The following TMTC1 variants were observed in gnomAD, a reference collection of about 807,000 sequenced individuals.
TMTC1 encodes transmembrane O-mannosyltransferase targeting cadherins 1.
Under a neutral mutation model 104.8 loss-of-function variants are expected in TMTC1, and 73 were observed. The ratio of observed to expected loss-of-function variants is 0.70; its 90% confidence interval spans 0.58 to 0.85. The LOEUF (loss-of-function observed/expected upper bound fraction) is 0.85, where lower values mean the gene tolerates loss of function less well. Ranked by LOEUF, TMTC1 falls within the 40% of genes least tolerant of loss-of-function variation. TMTC1 has a pLI of 0.00. For synonymous variants in TMTC1, 434 were observed against 428.7 expected, an observed-to-expected ratio of 1.01 and a Z score of -0.15; for missense variants, 1,035 against 1,096.1, an observed-to-expected ratio of 0.94 and a Z score of 0.79.
intron 9 of TMTC1, among the ~76,000 whole-genome samples, chr12:29,563,720 G>C (rs569611480): frequency 6.6e-6 from 1 of 152,148 alleles, no homozygotes; most frequent in African/African-American, 2.4e-5. Context: ...CATTATGTTC[G>C]TCCAGACTTT....
chr12:29,671,014 C>T (rs1014890314), intron 5 of TMTC1, among the ~76,000 whole-genome samples: 4 of 93,716 alleles, frequency 4.3e-5, no homozygotes, highest in Non-Finnish European at 6.7e-5. Flanking sequence ...AAAAAGTCAG[C>T]CAGGCGCAGT....
chr12:29,551,458 T>C (rs147522489), intron 10 of TMTC1, among the ~76,000 whole-genome samples: 32 of 152,342 alleles, frequency 2.1e-4, no homozygotes, highest in African/African-American at 7.5e-4. Context: ...ATTCATCTGC[T>C]ATATAGTTCA....
At chr12:29,511,025 A>G (rs1029488267) in intron 17 of TMTC1, among the ~76,000 whole-genome samples, 2 of 151,982 alleles carry the variant, frequency 1.3e-5, no homozygotes, top group African/African-American at 4.8e-5. Flanking sequence ...CTCTTTCCCT[A>G]TTTCGCCACA....
At chr12:29,704,066 T>C (rs1299796296) in intron 5 of TMTC1, among the ~76,000 whole-genome samples, 1 of 152,220 alleles carries the variant, frequency 6.6e-6, no homozygotes, top group Non-Finnish European at 1.5e-5. Context: ...GTCCCGGGTA[T>C]TTCTTCATAG....
chr12:29,682,974 G>A (rs1365499930), intron 5 of TMTC1, among the ~76,000 whole-genome samples: 1 of 152,008 alleles, frequency 6.6e-6, no homozygotes, highest in Admixed American at 6.6e-5. Context: ...GAACAAAGGG[G>A]ATAGAGAATC....
chr12:29,591,892 CA>C (rs1946292120), intron 7 of TMTC1, among the ~76,000 whole-genome samples: 1 of 139,268 alleles, frequency 7.2e-6, no homozygotes, highest in African/African-American at 3.0e-5. Context: ...TGAAACTCAC[CA>C]AGAAGCTTTT....
Position 29,758,742 on chromosome 12 carries a change from C to T in TMTC1, c.516G>A (p.Ala172=), listed in dbSNP as rs189683080. 1.8e-4 allele frequency: 285 copies of T among 1,612,960 alleles called. 1 individual carries two copies. The highest frequency in any genetic ancestry group is 5.0e-4 in the Middle Eastern group (3 of 6,058). The part of the protein sequence containing the change: ...AGIVGRADVL[A]CLLFLLAFLS... ...GAAAGGCCAATAGAAACAGCAGACA[C>T]GCTAACACGTCCGCTCTGCCAACGA... The change falls in exon 3 of 18, where the codon GCG becomes GCA. Residue 172 remains alanine (A), a synonymous_variant. Transcript: ENST00000539277.
intron 3 of TMTC1, among the ~76,000 whole-genome samples, chr12:29,756,398 T>A (rs548847005): frequency 2.0e-5 from 3 of 152,330 alleles, no homozygotes; most frequent in African/African-American, 7.2e-5. Context: ...ATCATCATTA[T>A]GGTAGTGAAG....
intron 10 of TMTC1, among the ~76,000 whole-genome samples, chr12:29,541,721 C>T (rs1592201626): frequency 1.4e-5 from 2 of 142,050 alleles, no homozygotes; most frequent in African/African-American, 5.4e-5. Context: ...TGCAGTGGAG[C>T]AATCTCAGCT....
intron 10 of TMTC1, among the ~76,000 whole-genome samples, chr12:29,545,077 C>T (rs758779639): frequency 6.6e-6 from 1 of 152,104 alleles, no homozygotes; most frequent in Non-Finnish European, 1.5e-5. Flanking sequence ...AATGCTAACT[C>T]CACTTGCTCC....
In TMTC1 at chr12:29,506,806, G is replaced by A; in HGVS notation, c.*40C>T. The A allele has an allele frequency of 6.2e-7, 1 of 1,611,198 alleles. No homozygotes were observed. Among genetic ancestry groups the A allele is most frequent in the South Asian group, 1.1e-5 (1 of 90,860 alleles). ...AGGCTTCCATCACTCCCCTTTCAGA[G>A]GCACCACATTATCCTATGAGGTTGG... On this transcript the variant is annotated 3_prime_UTR_variant, in exon 18 of 18. Coordinates refer to ENST00000539277, the MANE Select transcript of TMTC1 (RefSeq NM_001193451.2).
chr12:29,597,612 C>A (rs1429319359), intron 7 of TMTC1, among the ~76,000 whole-genome samples: 2 of 141,542 alleles, frequency 1.4e-5, no homozygotes, highest in African/African-American at 5.5e-5. Flanking sequence ...CACAGGCAGA[C>A]ACGCCATAAA....
intron 12 of TMTC1, among the ~76,000 whole-genome samples, chr12:29,520,074 G>C (rs1032170873): frequency 6.6e-6 from 1 of 152,134 alleles, no homozygotes; most frequent in Non-Finnish European, 1.5e-5. Context: ...AAAGAAAAGA[G>C]AATTCATGCC....
Position 29,767,921 on chromosome 12 carries a change from CA to C in TMTC1, c.456del (p.Val153TyrfsTer19). 6.2e-7 allele frequency: 1 copy of C among 1,613,664 alleles called. No homozygotes were observed. Reference protein sequence around the residue: ...GLAFVTALLFAVHPIHTEAVA... With the variant: ...GLAFVTALLFXVHPIHTEAVA... ...ACCGCCTCAGTATGAATAGGATGTA[CA>C]GCAAAAAGCAATGCCGTTACAAAAG... On this transcript the variant is annotated frameshift_variant, in exon 2 of 18. Transcript: ENST00000539277. LOFTEE classifies it high-confidence loss of function.
intron 8 of TMTC1, among the ~76,000 whole-genome samples, chr12:29,581,706 G>A (rs1486158012): frequency 6.6e-6 from 1 of 152,148 alleles, no homozygotes; most frequent in Non-Finnish European, 1.5e-5. Context: ...CAGGCAAAAG[G>A]TTTAGCACAG....
In TMTC1 at chr12:29,586,735, G is replaced by A. The variant is rs148607017; in HGVS notation, c.1251-3161C>T. The stretch of plus-strand genomic sequence containing the variant: ...TGGTTCTGTTTACATGCTGGATTAC[G>A]TTTATTGATTTTCGAATGTTAAACC... On this transcript the variant is annotated intron_variant, in intron 7 of 17. Coordinates refer to ENST00000539277, the MANE Select transcript of TMTC1 (RefSeq NM_001193451.2). Among the ~76,000 whole-genome samples, 943 of 138,258 alleles carry A rather than the reference G, an allele frequency of 6.8e-3. 148 individuals carry two copies. Among genetic ancestry groups the A allele is most frequent in the African/African-American group, 0.025 (861 of 34,020 alleles). 90.7% of individuals were successfully genotyped at this position (138,258 alleles called of 152,430 possible). A position where few individuals can be genotyped will look rare whatever the true frequency, so the allele number is the denominator to read the frequency against.
chr12:29,596,962 C>A (rs1565697264), intron 7 of TMTC1, among the ~76,000 whole-genome samples: 1 of 152,184 alleles, frequency 6.6e-6, no homozygotes, highest in Non-Finnish European at 1.5e-5. Flanking sequence ...TGACTGTGGT[C>A]TGAGGCCCCT....
Position 29,556,946 on chromosome 12 carries a change from G to A in TMTC1, c.1587C>T (p.Asp529=). 1 of 1,614,156 alleles carries A rather than the reference G, an allele frequency of 6.2e-7. No homozygotes were observed. The highest frequency in any genetic ancestry group is 1.1e-5 in the South Asian group (1 of 91,088). Residue 529 remains aspartate (D), a synonymous_variant, in exon 10 of 18, where the codon GAC becomes GAT. Transcript: ENST00000539277. ...GATAGTACATCTTTGCCTCTGCTGT[G>A]TCTCTCGTCAGTGTTCCAAGGTTGT... The part of the protein sequence containing the change: ...ALNNLGTLTR[D]TAEAKMYYQR...
Position 29,536,209 on chromosome 12 carries a change from C to G in TMTC1, c.1785G>C (p.Gln595His). ...YSSLASLLAEQERFKEAEEIY... is the reference protein window; with the variant it reads ...YSSLASLLAEHERFKEAEEIY... ...AAAAACTACTGTGTGAAACAATTAC[C>G]TGCTCAGCCAATAACGAAGCTAAGC... Residue 595 changes from glutamine (Q) to histidine (H), a missense_variant and splice_region_variant, in exon 11 of 18, where the codon CAG (glutamine) becomes CAC (histidine). By Grantham distance (24) the Gln-to-His change is conservative. Coordinates refer to ENST00000539277, the MANE Select transcript of TMTC1 (RefSeq NM_001193451.2). 1 of 1,593,276 alleles carries G rather than the reference C, an allele frequency of 6.3e-7. No individual in the cohort carries two copies. The highest frequency in any genetic ancestry group is 8.6e-7 in the Non-Finnish European group (1 of 1,161,882).
Sources: allele counts gnomAD v4.1 joint callset (sites outside exome capture counted in the v4.1 genomes callset), GRCh38; gene constraint gnomAD v4.1.1; transcripts MANE v1.5; gene names NCBI Gene and HGNC (gene_info 2026-07-23, HGNC 2026-07-21).